Variants in AHNAK observed in about 807,000 individuals in gnomAD.
The protein encoded by AHNAK is AHNAK nucleoprotein, also known as neuroblast differentiation-associated protein AHNAK.
Under a neutral mutation model 37.8 loss-of-function variants are expected in AHNAK, and 23 were observed. The observed-to-expected ratio is 0.61, with a 90% CI of 0.44 to 0.86. AHNAK has a LOEUF of 0.86. Among genes scored for constraint, AHNAK ranks in the 40% least tolerant of loss-of-function variants. AHNAK has a pLI of 0.00. For missense variants in AHNAK, 7,411 were observed against 7,319.4 expected, an observed-to-expected ratio of 1.01 and a Z score of -0.46; for synonymous variants, 2,481 against 2,636.3, an observed-to-expected ratio of 0.94 and a Z score of 1.80.
chr11:62,444,533 A>G (rs1422838336), intron 5 of AHNAK, among the ~76,000 whole-genome samples: 1 of 152,268 alleles, frequency 6.6e-6, no homozygotes, highest in Non-Finnish European at 1.5e-5. Context: ...CCCGCCCGGC[A>G]GCTGCTCGCC....
At chr11:62,513,660 T>G (rs1254416152), downstream of AHNAK, among the ~76,000 whole-genome samples, 1 of 152,136 alleles carries the variant, frequency 6.6e-6, no homozygotes, top group Non-Finnish European at 1.5e-5. Flanking sequence ...ACACACCACA[T>G]AAGCCCGTGT....
Position 62,516,782 on chromosome 11 carries a change from G to A in AHNAK, c.17635C>T (p.Pro5879Ser), listed in dbSNP as rs1940031263. 1.9e-6 allele frequency: 3 copies of A among 1,613,518 alleles called. No homozygotes were observed. The highest frequency in any genetic ancestry group is 2.5e-6 in the Non-Finnish European group (3 of 1,179,790). ...GTGGAAACTGACAGCTCCACCTCGG[G>A]AAGCTGGATGCCAACCTTATTCCCA... ...DSGNKVGIQL[P>S]EVELSVSTKK... Residue 5879 changes from proline (P) to serine (S), a missense_variant, in exon 5 of 5, where the codon CCC (proline) becomes TCC (serine). Transcript: ENST00000378024.
At chr11:62,434,058 A>T (rs1314881721) in intron 5 of AHNAK, among the ~76,000 whole-genome samples, 2 of 152,098 alleles carry the variant, frequency 1.3e-5, no homozygotes, top group African/African-American at 4.8e-5. Flanking sequence ...TTTGGAAAGG[A>T]TCCTGCTGTT....
Position 62,525,111 on chromosome 11 carries a change from A to T in AHNAK, c.9306T>A (p.Gly3102=), listed in dbSNP as rs532935258. 40 of 1,613,606 alleles carry T rather than the reference A, an allele frequency of 2.5e-5. No individual in the cohort carries two copies. The highest frequency in any genetic ancestry group is 8.8e-5 in the South Asian group (8 of 91,050). The change falls in exon 5 of 5, where the codon GGT becomes GGA. Residue 3102 remains glycine, a synonymous_variant. Transcript: ENST00000378024. ...SMPDIDLNLK[G]PKVKGDMDVS... ...CATCCATGTCACCCTTCACTTTGGG[A>T]CCTTTCAGGTTAAGATCAATGTCAG...
In AHNAK at chr11:62,535,056, C is replaced by T. The variant is rs144118961; in HGVS notation, c.289G>A (p.Gly97Ser). ...AAGACTTCACGGGTCCAGGTCTGGC[C>T]AGGCTCGGGAGAGCGGTCCCCCTTG... ...HRKGDRSPEP[G>S]QTWTREVFSS... The change falls in exon 4 of 5, where the codon GGC becomes AGC. Residue 97 changes from glycine to serine, a missense_variant. Coordinates refer to ENST00000378024, the MANE Select transcript of AHNAK (RefSeq NM_001620.3). The T allele has an allele frequency of 1.4e-5, 23 of 1,613,722 alleles. No individual in the cohort carries two copies. In the African/African-American group the frequency reaches 1.7e-4, roughly 12 times the overall value.
intron 1 of AHNAK, among the ~76,000 whole-genome samples, chr11:62,544,725 A>G (rs1264434757): frequency 6.6e-6 from 1 of 152,004 alleles, no homozygotes; most frequent in East Asian, 1.9e-4. Context: ...GCTTCCCCCC[A>G]TTCAGCTTCT....
chr11:62,486,378 C>A (rs1939394005), intron 5 of AHNAK, among the ~76,000 whole-genome samples: 2 of 152,208 alleles, frequency 1.3e-5, no homozygotes. Flanking sequence ...GAGGCTGAGG[C>A]AGGAGAATCG....
chr11:62,450,431 G>C (rs1938511921), intron 5 of AHNAK, among the ~76,000 whole-genome samples: 1 of 152,156 alleles, frequency 6.6e-6, no homozygotes, highest in Non-Finnish European at 1.5e-5. Context: ...GACCTCAGAT[G>C]ATCCAACTGC....
chr11:62,476,214 T>C (rs913656998), intron 5 of AHNAK, among the ~76,000 whole-genome samples: 2 of 151,882 alleles, frequency 1.3e-5, no homozygotes, highest in African/African-American at 4.8e-5. Flanking sequence ...ATGGCGAAAC[T>C]CCCATCTCTA....
chr11:62,494,025 T>C (rs1046650893), intron 4 of AHNAK, among the ~76,000 whole-genome samples: 2 of 151,910 alleles, frequency 1.3e-5, no homozygotes, highest in Non-Finnish European at 1.5e-5. Flanking sequence ...AATGAATGAG[T>C]GGTGAATAAA....
intron 5 of AHNAK, among the ~76,000 whole-genome samples, chr11:62,491,193 G>A (rs1418017666): frequency 2.0e-5 from 3 of 152,120 alleles, no homozygotes; most frequent in South Asian, 2.1e-4. Context: ...ACCCCTCCAC[G>A]TAGCTCCCTA....
chr11:62,485,338 G>A (rs968475750), intron 5 of AHNAK, among the ~76,000 whole-genome samples: 1 of 152,064 alleles, frequency 6.6e-6, no homozygotes, highest in African/African-American at 2.4e-5. Flanking sequence ...GCTACAGTGA[G>A]ACGTAATCCC....
At chr11:62,448,049 C>A (rs964630378) in intron 5 of AHNAK, among the ~76,000 whole-genome samples, 1 of 152,002 alleles carries the variant, frequency 6.6e-6, no homozygotes, top group South Asian at 2.1e-4. Flanking sequence ...AAGGAGCCAG[C>A]CACGCAAAGG....
Position 62,531,631 on chromosome 11 carries a change from A to G in AHNAK, c.2786T>C (p.Leu929Pro). ...TGGCATCTTGAACTTGGGGCCCTTCAGCTTTCCTTCAGGTCCTTCAATATT... is the reference window on the plus strand; with the variant it reads ...TGGCATCTTGAACTTGGGGCCCTTCGGCTTTCCTTCAGGTCCTTCAATATT... Reference protein sequence around the residue: ...DVNIEGPEGKLKGPKFKMPEM... With the variant: ...DVNIEGPEGKPKGPKFKMPEM... Residue 929 changes from leucine (L) to proline (P), a missense_variant, in exon 5 of 5, where the codon CTG becomes CCG. Transcript: ENST00000378024. 6.2e-7 allele frequency: 1 copy of G among 1,613,164 alleles called. No homozygotes were observed. The highest frequency in any genetic ancestry group is 8.5e-7 in the Non-Finnish European group (1 of 1,179,810).
At chr11:62,504,692 C>T (rs1028825216) in intron 4 of AHNAK, among the ~76,000 whole-genome samples, 8 of 152,058 alleles carry the variant, frequency 5.3e-5, no homozygotes, top group Non-Finnish European at 7.4e-5. Flanking sequence ...CAAAAGCCTC[C>T]CCTTTCACCT....
At position 62,520,856 on chromosome 11, in the gene AHNAK, TG is replaced by T; in HGVS notation, c.13560del (p.Met4521Ter). 6.2e-7 allele frequency: 1 copy of T among 1,614,190 alleles called. No individual in the cohort carries two copies. Among genetic ancestry groups the T allele is most frequent in the East Asian group, 2.2e-5 (1 of 44,884 alleles). The stretch of plus-strand genomic sequence containing the variant: ...TTCAAATTCAAATCAATGTCACTCA[TG>T]GAGATTTGTGGGCTTTTGAAATGTA... Reference protein sequence around the residue: ...PDVHFKSPQISMSDIDLNLKG... With the variant: ...PDVHFKSPQIXMSDIDLNLKG... On this transcript the variant is annotated frameshift_variant, in exon 5 of 5. Coordinates refer to ENST00000378024, the MANE Select transcript of AHNAK (RefSeq NM_001620.3). LOFTEE classifies it low-confidence loss of function (END_TRUNC).
intron 4 of AHNAK, among the ~76,000 whole-genome samples, chr11:62,507,085 C>T (rs949945134): frequency 6.6e-6 from 1 of 152,022 alleles, no homozygotes; most frequent in African/African-American, 2.4e-5. Context: ...AATTCCCTCC[C>T]CCCACTCCTC....
chr11:62,527,707 G>A lies in AHNAK; in HGVS notation c.6710C>T (p.Pro2237Leu). ...CTTAGGCATCTTCAGGTGCCAGTCT[G>A]GGCCATGAACATCCACATCTGGGGC... ...IDAPDVDVHG[P>L]DWHLKMPKMK... Residue 2237 changes from proline to leucine, a missense_variant, in exon 5 of 5, where the codon CCA becomes CTA. Physicochemically the swap from Pro to Leu is moderately conservative, Grantham distance 98. Transcript: ENST00000378024. 6.2e-7 allele frequency: 1 copy of A among 1,613,994 alleles called. No individual in the cohort carries two copies. The highest frequency in any genetic ancestry group is 8.5e-7 in the Non-Finnish European group (1 of 1,180,008).
At chr11:62,510,506 G>A (rs1162132918) in intron 4 of AHNAK, among the ~76,000 whole-genome samples, 8 of 152,128 alleles carry the variant, frequency 5.3e-5, no homozygotes, top group African/African-American at 1.9e-4. Context: ...CACTTTGGGA[G>A]GCCAAGGCAG....
Sources: gnomAD v4.1 joint callset for allele counts (sites outside exome capture counted in the v4.1 genomes callset) on GRCh38, gnomAD v4.1.1 for gene constraint, MANE v1.5 for transcripts, NCBI Gene and HGNC (gene_info 2026-07-23, HGNC 2026-07-21) for gene names.